The following DSCAM variants were observed in gnomAD, a reference collection of about 807,000 sequenced individuals.
DSCAM encodes the protein DS cell adhesion molecule, also known as cell adhesion molecule DSCAM.
In DSCAM, 47 loss-of-function variants were observed where a neutral mutation model predicts 217.7. That is an observed-to-expected ratio of 0.22 (90% CI 0.17 to 0.28). The LOEUF is 0.28. DSCAM is among the 10% of genes least tolerant of loss of function. The probability of loss-of-function intolerance (pLI) is 1.00; values close to 1 mark genes in which losing one functional copy is unlikely to be tolerated. For missense variants in DSCAM, 2,080 were observed against 2,618.3 expected, an observed-to-expected ratio of 0.79 and a Z score of 4.49; for synonymous variants, 1,056 against 1,015.3, an observed-to-expected ratio of 1.04 and a Z score of -0.76.
At chr21:40,627,459 C>T (rs1429001715) in intron 3 of DSCAM, among the ~76,000 whole-genome samples, 4 of 152,146 alleles carry the variant, frequency 2.6e-5, no homozygotes, top group Non-Finnish European at 5.9e-5. Flanking sequence ...TCTAAAATCA[C>T]TTGGGATTTT....
chr21:40,065,675 C>T (rs2089196572), intron 27 of DSCAM, among the ~76,000 whole-genome samples: 1 of 152,166 alleles, frequency 6.6e-6, no homozygotes, highest in Admixed American at 6.5e-5. Context: ...CCTTCCAGGT[C>T]TGCAGGTCTC....
chr21:40,474,868 C>A (rs774344816), intron 3 of DSCAM, among the ~76,000 whole-genome samples: 2 of 152,098 alleles, frequency 1.3e-5, no homozygotes, highest in Non-Finnish European at 2.9e-5. Context: ...ACGAGAACTG[C>A]GAGGGAGCCC....
Position 40,630,727 on chromosome 21 carries a change from T to C in DSCAM, c.508+62083A>G, listed in dbSNP as rs868501244. On this transcript the variant is annotated intron_variant, in intron 3 of 32. Transcript: ENST00000400454. ...TCACTGTACTTGTCAGTGGGGGATA[T>C]AGGAAAAGTGCATGTAGACCCCATC... The C allele has an allele frequency of 2.6e-5, 4 of 152,372 alleles. No individual in the cohort carries two copies. In the South Asian group the frequency reaches 8.3e-4, roughly 32 times the overall value. 9.4% of individuals were successfully genotyped at this position (152,372 alleles called of 1,614,324 possible).
intron 1 of DSCAM, among the ~76,000 whole-genome samples, chr21:40,757,855 C>T (rs1003338231): frequency 7.9e-5 from 12 of 152,310 alleles, no homozygotes; most frequent in African/African-American, 2.4e-4. Flanking sequence ...GGGGAATACA[C>T]GTATATCCAT....
At chr21:40,544,923 A>AC (rs974281001) in intron 3 of DSCAM, among the ~76,000 whole-genome samples, 4 of 152,220 alleles carry the variant, frequency 2.6e-5, no homozygotes, top group African/African-American at 9.6e-5. Context: ...TTCCAAAAAA[A>AC]AAAAAAGGTA....
At chr21:40,322,634 C>T (rs2074272008) in intron 8 of DSCAM, among the ~76,000 whole-genome samples, 1 of 152,062 alleles carries the variant, frequency 6.6e-6, no homozygotes, top group East Asian at 1.9e-4. Flanking sequence ...AATCAATTCT[C>T]CTGCCTCAGA....
intron 11 of DSCAM, among the ~76,000 whole-genome samples, chr21:40,190,531 G>T (rs1047895491): frequency 2.6e-5 from 4 of 152,152 alleles, no homozygotes; most frequent in Non-Finnish European, 4.4e-5. Flanking sequence ...CAAAGGCAAA[G>T]AGAGAAGAAA....
chr21:40,712,415 A>G (rs1249711259), intron 1 of DSCAM, among the ~76,000 whole-genome samples: 1 of 133,042 alleles, frequency 7.5e-6, no homozygotes, highest in African/African-American at 2.8e-5. Flanking sequence ...GTGAGCCGAG[A>G]TTGCGCCACT....
In DSCAM at chr21:40,744,080, A is replaced by G. The variant is rs75002397; in HGVS notation, c.44-35309T>C. On this transcript the variant is annotated intron_variant, in intron 1 of 32. Transcript: ENST00000400454. Reference sequence around the variant, plus strand: ...CTCTTCTCCAGGCTTGTATAATGCCACTCACAGAGAATTGACACAGACTCA... The same window carrying G: ...CTCTTCTCCAGGCTTGTATAATGCCGCTCACAGAGAATTGACACAGACTCA... Among the ~76,000 whole-genome samples the G allele has an allele frequency of 3.7e-3, 559 of 152,262 alleles. 11 individuals are homozygous for G. Among genetic ancestry groups the G allele is most frequent in the African/African-American group, 0.012 (494 of 41,544 alleles).
chr21:40,044,125 A>C lies in DSCAM; in HGVS notation c.5336T>G (p.Val1779Gly). 1 of 1,614,052 alleles carries C rather than the reference A, an allele frequency of 6.2e-7. No individual in the cohort carries two copies. Among genetic ancestry groups the C allele is most frequent in the South Asian group, 1.1e-5 (1 of 91,066 alleles). ...RLPTPRAAGS[V>G]DKESDSYSVS... Reference sequence around the variant, plus strand: ...GCTGTAACTGTCGCTCTCTTTGTCTACTGATCCTGCAGCCCTGGGTGTTGG... The same window carrying C: ...GCTGTAACTGTCGCTCTCTTTGTCTCCTGATCCTGCAGCCCTGGGTGTTGG... The change falls in exon 31 of 33, where the codon GTA becomes GGA. Residue 1779 changes from valine to glycine, a missense_variant. Val to Gly is a moderately radical substitution (Grantham distance 109). Around this residue, in one of 5 missense-constraint regions of DSCAM, gnomAD observed 1,144 missense variants for 1,421.1 expected, o/e 0.81. Transcript: ENST00000400454.
chr21:40,699,091 G>A (rs1383161718), intron 2 of DSCAM, among the ~76,000 whole-genome samples: 2 of 152,068 alleles, frequency 1.3e-5, no homozygotes, highest in Non-Finnish European at 2.9e-5. Context: ...CTCACTTTGT[G>A]TCTCTGTGTC....
At chr21:40,377,795 A>G (rs1001411433) in intron 3 of DSCAM, among the ~76,000 whole-genome samples, 4 of 152,138 alleles carry the variant, frequency 2.6e-5, no homozygotes, top group Non-Finnish European at 4.4e-5. Flanking sequence ...GTGTGGCGCT[A>G]AGAAAGCCAG....
intron 3 of DSCAM, among the ~76,000 whole-genome samples, chr21:40,610,140 A>G (rs557953289): frequency 6.6e-6 from 1 of 152,266 alleles, no homozygotes; most frequent in South Asian, 2.1e-4. Flanking sequence ...GCATATTTAA[A>G]TCTCTCATCA....
At chr21:40,228,814 C>A (rs542861492) in intron 11 of DSCAM, among the ~76,000 whole-genome samples, 1 of 152,114 alleles carries the variant, frequency 6.6e-6, no homozygotes, top group East Asian at 1.9e-4. Flanking sequence ...GATTTGGGGA[C>A]AGTTGTGTTT....
chr21:40,173,930 A>G (rs1225217821), intron 15 of DSCAM, among the ~76,000 whole-genome samples: 4 of 152,194 alleles, frequency 2.6e-5, no homozygotes, highest in Non-Finnish European at 5.9e-5. Context: ...GCACAGATTT[A>G]TAGTGAAAAT....
intron 3 of DSCAM, among the ~76,000 whole-genome samples, chr21:40,594,989 C>T (rs2077010851): frequency 6.6e-6 from 1 of 152,188 alleles, no homozygotes. Context: ...GGTGCACCTT[C>T]AAATAGGACA....
At chr21:40,079,059 C>T (rs1683690404) in intron 25 of DSCAM, 82 bp from the exon 26 acceptor site, 1 of 1,492,308 alleles carries the variant, frequency 6.7e-7, no homozygotes. Flanking sequence ...CCTCGGACTG[C>T]TTCCTCCAGC....
chr21:40,190,162 T>C (rs776983364), intron 11 of DSCAM, among the ~76,000 whole-genome samples: 10 of 152,216 alleles, frequency 6.6e-5, no homozygotes, highest in Non-Finnish European at 1.5e-4. Flanking sequence ...TTTGTGAAGC[T>C]TCTCAAGTTT....
chr21:40,295,224 C>G (rs982176803), intron 10 of DSCAM, among the ~76,000 whole-genome samples: 1 of 151,962 alleles, frequency 6.6e-6, no homozygotes, highest in African/African-American at 2.4e-5. Flanking sequence ...TTTGATCTCA[C>G]CAGTACATAT....
Sources: allele counts gnomAD v4.1 joint callset (sites outside exome capture counted in the v4.1 genomes callset), GRCh38; gene constraint gnomAD v4.1.1; regional missense constraint gnomAD v4.1.1; transcripts MANE v1.5; gene names NCBI Gene and HGNC (gene_info 2026-07-23, HGNC 2026-07-21).